Variants in PI4KA observed in about 807,000 individuals in gnomAD.
PI4KA encodes the protein phosphatidylinositol 4-kinase alpha.
In PI4KA, 122 loss-of-function variants were observed where a neutral mutation model predicts 271.4. The ratio of observed to expected loss-of-function variants is 0.45; its 90% CI spans 0.39 to 0.52. The LOEUF is 0.52. PI4KA is among the 20% of genes least tolerant of loss of function. PI4KA has a pLI of 0.00. For missense variants in PI4KA, 1,969 were observed against 2,769.1 expected (o/e 0.71, Z 6.48); for synonymous variants, 1,041 against 1,078.8 (o/e 0.96, Z 0.69).
At chr22:20,758,459 C>CTTTTTTTTTTTTTTTTTTTTTTTTTTTCT (rs35401829) in intron 23 of PI4KA, among the ~76,000 whole-genome samples, 3 of 85,038 alleles carry the variant, frequency 3.5e-5, no homozygotes, top group African/African-American at 4.7e-5. Flanking sequence ...TCTTTCTTTT[C>CTTTTTTTTTTTTTTTTTTTTTTTTTTTCT]TTTTTTTTTT....
chr22:20,822,510 T>G (rs1922845211), intron 4 of PI4KA, among the ~76,000 whole-genome samples: 1 of 152,246 alleles, frequency 6.6e-6, no homozygotes, highest in Non-Finnish European at 1.5e-5. Flanking sequence ...GATTCCCAGC[T>G]TTGTGCCTTC....
At chr22:20,729,760 T>C in intron 37 of PI4KA, 49 bp from the exon 38 acceptor site, 1 of 1,569,052 alleles carries the variant, frequency 6.4e-7, no homozygotes, top group Middle Eastern at 1.7e-4. Flanking sequence ...GCTACCTGTC[T>C]GCCCTGAGAT....
chr22:20,819,518 A>C (rs1484743053), intron 6 of PI4KA, 123 bp downstream of exon 6: 11 of 902,224 alleles, frequency 1.2e-5, no homozygotes, highest in Non-Finnish European at 1.9e-5. Context: ...TATTAAAGAG[A>C]ATTCTAGTGA....
intron 11 of PI4KA, 59 bp from the exon 12 acceptor site, chr22:20,804,459 A>G: frequency 8.8e-7 from 1 of 1,133,566 alleles, no homozygotes; most frequent in Non-Finnish European, 1.3e-6. Context: ...TTTCTAACAC[A>G]CTTATCCACC....
rs112102593 is a variant in PI4KA at position 20,836,054 on chromosome 22, AAAAACAAAAC to A, written c.274-1409_274-1400del. On this transcript the variant is annotated intron_variant, in intron 2 of 54. Transcript: ENST00000255882. Reference sequence around the variant, plus strand: ...GCGACAGAGAGAGACTCCATTTCAAAAAAACAAAACAAAACAAAACAAAACAAAACAAAAA... The same window carrying A: ...GCGACAGAGAGAGACTCCATTTCAAAAAAACAAAACAAAACAAAACAAAAA... 1.1e-3 allele frequency among the ~76,000 whole-genome samples: 159 copies of A among 149,452 alleles called. 3 individuals are homozygous for A. In the South Asian group the frequency reaches 0.021, roughly 20 times the overall value.
At position 20,764,925 on chromosome 22, in the gene PI4KA, G is replaced by A; in HGVS notation, c.2600C>T (p.Thr867Ile). 1 of 1,611,598 alleles carries A rather than the reference G, an allele frequency of 6.2e-7. No individual in the cohort carries two copies. Among genetic ancestry groups the A allele is most frequent in the South Asian group, 1.1e-5 (1 of 90,832 alleles). The change falls in exon 22 of 55, where the codon ACT (threonine) becomes ATT (isoleucine). Residue 867 changes from threonine to isoleucine, a missense_variant. This residue lies in a region of PI4KA where 368 missense variants were observed against 544.3 expected (regional missense o/e 0.68). Transcript: ENST00000255882. Reference protein sequence around the residue: ...TPAELSELRSTIINLLDPPPE... With the variant: ...TPAELSELRSIIINLLDPPPE... Reference sequence around the variant, plus strand: ...AGGGGGGTCCAGCAGGTTGATGATAGTGCTGCGGAGCTCACTCAGCTCAGC... The same window carrying A: ...AGGGGGGTCCAGCAGGTTGATGATAATGCTGCGGAGCTCACTCAGCTCAGC...
chr22:20,822,578 T>G (rs1922853929), intron 4 of PI4KA, among the ~76,000 whole-genome samples: 1 of 152,200 alleles, frequency 6.6e-6, no homozygotes, highest in African/African-American at 2.4e-5. Flanking sequence ...CTTGTTTTGC[T>G]CCAATGACAG....
chr22:20,741,398 G>C (rs1202962869), intron 32 of PI4KA, among the ~76,000 whole-genome samples: 1 of 152,158 alleles, frequency 6.6e-6, no homozygotes, highest in Non-Finnish European at 1.5e-5. Context: ...ATCTTTGATG[G>C]GAGCAGGCTG....
At chr22:20,845,386 A>G (rs987913470) in intron 1 of PI4KA, among the ~76,000 whole-genome samples, 6 of 152,204 alleles carry the variant, frequency 3.9e-5, no homozygotes, top group African/African-American at 1.2e-4. Context: ...TTGGATAATT[A>G]AATGATTTTT....
intron 19 of PI4KA, among the ~76,000 whole-genome samples, chr22:20,790,019 G>C (rs1176051452): frequency 6.6e-6 from 1 of 152,148 alleles, no homozygotes; most frequent in African/African-American, 2.4e-5. Flanking sequence ...TATGACAGTG[G>C]AACAACTAAG....
At chr22:20,741,328 C>T (rs1279245453) in intron 32 of PI4KA, among the ~76,000 whole-genome samples, 2 of 152,144 alleles carry the variant, frequency 1.3e-5, no homozygotes, top group Non-Finnish European at 2.9e-5. Context: ...AGGTGAGGAG[C>T]CCCGCCCAGG....
chr22:20,815,462 A>AT (rs1336566451), intron 7 of PI4KA, among the ~76,000 whole-genome samples: 4 of 152,174 alleles, frequency 2.6e-5, no homozygotes, highest in East Asian at 3.8e-4. Flanking sequence ...TAATATTTTC[A>AT]TAAGACAGTA....
chr22:20,734,251 G>A, intron 33 of PI4KA, 57 bp from the exon 34 acceptor site: 2 of 1,466,540 alleles, frequency 1.4e-6, no homozygotes, highest in African/African-American at 1.4e-5. Flanking sequence ...TAACCCTGGG[G>A]CCGGCAGAGA....
chr22:20,758,440 T>G (rs1273637195), intron 23 of PI4KA, among the ~76,000 whole-genome samples: 1 of 145,954 alleles, frequency 6.9e-6, no homozygotes, highest in African/African-American at 2.5e-5. Flanking sequence ...ATTTTTTGTG[T>G]GTGATTTTTC....
At position 20,838,714 on chromosome 22, in the gene PI4KA, G is replaced by A; in HGVS notation, c.174C>T (p.Cys58=). Residue 58 remains cysteine, a synonymous_variant, in exon 2 of 55, where the codon TGC becomes TGT. Coordinates refer to ENST00000255882, the MANE Select transcript of PI4KA (RefSeq NM_058004.4). Reference sequence around the variant, plus strand: ...TCCCATGGAAATCCACTGGACACATGCAAAGAAGCTTTTGGACCTAGAAAA... The same window carrying A: ...TCCCATGGAAATCCACTGGACACATACAAAGAAGCTTTTGGACCTAGAAAA... ...ASLEKVQKLL[C]MCPVDFHGIF... The A allele has an allele frequency of 6.2e-7, 1 of 1,610,000 alleles. No homozygotes were observed. The highest frequency in any genetic ancestry group is 8.5e-7 in the Non-Finnish European group (1 of 1,176,492).
chr22:20,803,916 C>T (rs1935490629), intron 12 of PI4KA, among the ~76,000 whole-genome samples: 1 of 152,168 alleles, frequency 6.6e-6, no homozygotes, highest in South Asian at 2.1e-4. Context: ...GGTGTGGAGT[C>T]AGTGGGATTG....
At chr22:20,761,611 A>G (rs905179661) in intron 22 of PI4KA, among the ~76,000 whole-genome samples, 4 of 152,220 alleles carry the variant, frequency 2.6e-5, no homozygotes, top group Non-Finnish European at 4.4e-5. Context: ...CTTCAGGGTT[A>G]CATGCACAAG....
chr22:20,710,929 G>C, intron 51 of PI4KA, 71 bp from the exon 52 acceptor site: 2 of 1,576,932 alleles, frequency 1.3e-6, no homozygotes, highest in South Asian at 2.2e-5. Flanking sequence ...GGTCTGTTTT[G>C]AGGAGTGGAA....
At chr22:20,832,345 G>GA (rs1924290184) in intron 3 of PI4KA, among the ~76,000 whole-genome samples, 2 of 152,238 alleles carry the variant, frequency 1.3e-5, no homozygotes, top group South Asian at 4.1e-4. Flanking sequence ...TTGAACTCCT[G>GA]ACCTTGTGAT....
Sources: allele counts gnomAD v4.1 joint callset (sites outside exome capture counted in the v4.1 genomes callset), GRCh38; gene constraint gnomAD v4.1.1; regional missense constraint gnomAD v4.1.1; transcripts MANE v1.5; gene names NCBI Gene and HGNC (gene_info 2026-07-23, HGNC 2026-07-21).